FSHR: variants seen among roughly 807,000 people sequenced by gnomAD.
FSHR encodes the protein follicle-stimulating hormone receptor.
Under a neutral mutation model 52.1 loss-of-function variants are expected in FSHR, and 46 were observed. The observed-to-expected ratio is 0.88, with a 90% CI of 0.70 to 1.13. The LOEUF (loss-of-function observed/expected upper bound fraction) is 1.13, where lower values mean the gene tolerates loss of function less well. Among genes scored for constraint, FSHR ranks in the 50% most tolerant of loss-of-function variants. The pLI, the probability that FSHR is intolerant of heterozygous loss-of-function variation, is 0.00. For missense variants in FSHR, 964 were observed against 834.6 expected, an observed-to-expected ratio of 1.16 and a Z score of -1.91; for synonymous variants, 399 against 309.6, an observed-to-expected ratio of 1.29 and a Z score of -3.03.
At chr2:49,053,565 TC>T (rs966108772) in intron 2 of FSHR, among the ~76,000 whole-genome samples, 2 of 152,146 alleles carry the variant, frequency 1.3e-5, no homozygotes, top group Admixed American at 1.3e-4. Context: ...ATTTCTTTTT[TC>T]CCCCCACAAA....
chr2:49,047,416 C>A (rs566124109), intron 2 of FSHR, among the ~76,000 whole-genome samples: 1 of 152,304 alleles, frequency 6.6e-6, no homozygotes, highest in African/African-American at 2.4e-5. Context: ...AGGAGCCCAT[C>A]AAAAGACGGG....
intron 2 of FSHR, among the ~76,000 whole-genome samples, chr2:49,037,808 C>T (rs960993079): frequency 5.3e-5 from 8 of 151,998 alleles, no homozygotes; most frequent in Admixed American, 5.2e-4. Flanking sequence ...TAAGAAATTC[C>T]AACATAGTCC....
chr2:49,057,207 A>C (rs1344402874), intron 2 of FSHR, among the ~76,000 whole-genome samples: 1 of 152,134 alleles, frequency 6.6e-6, no homozygotes. Context: ...ATAATAACAC[A>C]AGAGATCAAT....
intron 5 of FSHR, among the ~76,000 whole-genome samples, chr2:48,989,292 T>G (rs1675660981): frequency 1.1e-5 from 1 of 93,616 alleles, no homozygotes; most frequent in African/African-American, 3.1e-5. Context: ...TTTTTTTTTT[T>G]TTTTTTAAGA....
intron 2 of FSHR, among the ~76,000 whole-genome samples, chr2:49,060,935 C>G (rs188692623): frequency 1.1e-4 from 16 of 152,264 alleles, no homozygotes; most frequent in Non-Finnish European, 1.9e-4. Flanking sequence ...ATGGTCACTA[C>G]TGCAAAGTGC....
chr2:48,987,066 A>G (rs573522907), intron 6 of FSHR, among the ~76,000 whole-genome samples: 1 of 152,344 alleles, frequency 6.6e-6, no homozygotes, highest in South Asian at 2.1e-4. Context: ...GTTTACATTT[A>G]TCACCAATCT....
At chr2:49,101,452 A>T (rs1291743331) in intron 1 of FSHR, among the ~76,000 whole-genome samples, 4 of 152,172 alleles carry the variant, frequency 2.6e-5, no homozygotes, top group Non-Finnish European at 5.9e-5. Flanking sequence ...GAGAAAATTA[A>T]ATAGACAAGG....
chr2:49,127,075 C>T (rs550687338), intron 1 of FSHR, among the ~76,000 whole-genome samples: 2 of 152,290 alleles, frequency 1.3e-5, no homozygotes, highest in South Asian at 2.1e-4. Flanking sequence ...TGCCTGAAAT[C>T]CCAGCCGTTT....
At chr2:48,997,318 C>CTCTTTG (rs1676066898) in intron 4 of FSHR, 1 of 985,040 alleles carries the variant, frequency 1.0e-6, no homozygotes, top group South Asian at 4.7e-5. Context: ...TTAACTGGAA[C>CTCTTTG]TCTTTGTCTC....
intron 4 of FSHR, among the ~76,000 whole-genome samples, chr2:49,012,873 C>T (rs1667322125): frequency 6.6e-6 from 1 of 152,056 alleles, no homozygotes; most frequent in African/African-American, 2.4e-5. Context: ...GGAAGATATG[C>T]TATGGACTGA....
intron 1 of FSHR, among the ~76,000 whole-genome samples, chr2:49,105,539 T>C (rs544186316): frequency 1.2e-4 from 18 of 152,130 alleles, no homozygotes; most frequent in Admixed American, 1.0e-3. Flanking sequence ...CAAAAATAAA[T>C]GGAAAAGATT....
intron 4 of FSHR, among the ~76,000 whole-genome samples, chr2:48,995,106 G>T (rs1293745881): frequency 6.6e-6 from 1 of 152,066 alleles, no homozygotes; most frequent in East Asian, 1.9e-4. Context: ...GTGTTGATGG[G>T]CTCTTATTTT....
At chr2:48,969,137 C>A (rs1187090271) in intron 8 of FSHR, among the ~76,000 whole-genome samples, 3 of 152,154 alleles carry the variant, frequency 2.0e-5, no homozygotes, top group African/African-American at 7.2e-5. Context: ...GATATACTTA[C>A]ATCCTGGCTA....
chr2:48,999,474 C>G (rs959863827), intron 4 of FSHR, among the ~76,000 whole-genome samples: 3 of 152,012 alleles, frequency 2.0e-5, no homozygotes, highest in East Asian at 3.9e-4. Flanking sequence ...TGAGAGTTGC[C>G]CAAGAAGAAA....
chr2:49,151,377 T>C (rs1260608112), intron 1 of FSHR, among the ~76,000 whole-genome samples: 1 of 152,116 alleles, frequency 6.6e-6, no homozygotes, highest in Non-Finnish European at 1.5e-5. Context: ...TGAAGTAGTA[T>C]GTACAAAACA....
chr2:49,058,437 C>T (rs1669149018), intron 2 of FSHR, among the ~76,000 whole-genome samples: 1 of 151,800 alleles, frequency 6.6e-6, no homozygotes, highest in Admixed American at 6.6e-5. Flanking sequence ...GTCCCAGCTA[C>T]TTGGGAGGCT....
chr2:49,134,228 A>G (rs1202152996), intron 1 of FSHR, among the ~76,000 whole-genome samples: 1 of 152,218 alleles, frequency 6.6e-6, no homozygotes, highest in African/African-American at 2.4e-5. Context: ...ACAAGAAAAA[A>G]TCAACCCCAT....
At chr2:49,049,015 T>C (rs1668759231) in intron 2 of FSHR, among the ~76,000 whole-genome samples, 1 of 152,130 alleles carries the variant, frequency 6.6e-6, no homozygotes, top group Non-Finnish European at 1.5e-5. Context: ...AGTTCATGCA[T>C]TGATTGCAGC....
rs188218010 is a variant in FSHR at position 49,014,759 on chromosome 2, A to G, written c.374+2730T>C. ...TCATGGGCTAGGGATATCTATGTGA[A>G]GAGCTGGTTTTCTTCTTGGGTTTGT... is the stretch of plus-strand genomic sequence containing the variant. On this transcript the variant is annotated intron_variant, in intron 4 of 9. Transcript: ENST00000406846. 21 of 290,464 alleles carry G rather than the reference A, an allele frequency of 7.2e-5. No homozygotes were observed. The East Asian group carries it at 2.1e-3, about 28-fold the overall frequency. 18.0% of individuals were successfully genotyped at this position (290,464 alleles called of 1,614,324 possible).
Sources: allele counts gnomAD v4.1 joint callset (sites outside exome capture counted in the v4.1 genomes callset), GRCh38; gene constraint gnomAD v4.1.1; transcripts MANE v1.5; gene names NCBI Gene and HGNC (gene_info 2026-07-23, HGNC 2026-07-21).